TIAM2: variants seen among roughly 807,000 people sequenced by gnomAD.
TIAM2 encodes rho guanine nucleotide exchange factor TIAM2.
TIAM2 carries 80 observed loss-of-function variants against 152.9 expected under a neutral mutation model. The ratio of observed to expected loss-of-function variants is 0.52; its 90% CI spans 0.44 to 0.63. The LOEUF (loss-of-function observed/expected upper bound fraction) is 0.63, where lower values mean the gene tolerates loss of function less well. TIAM2 is among the 30% of genes least tolerant of loss of function. The pLI, the probability that TIAM2 is intolerant of heterozygous loss-of-function variation, is 0.00. For missense variants in TIAM2, 1,965 were observed against 2,120.1 expected, an observed-to-expected ratio of 0.93 and a Z score of 1.44; for synonymous variants, 804 against 838.0, an observed-to-expected ratio of 0.96 and a Z score of 0.70.
chr6:155,176,721 CT>C (rs1228598445), intron 9 of TIAM2, 94 bp from the exon 10 acceptor site: 25 of 1,384,912 alleles, frequency 1.8e-5, no homozygotes. Flanking sequence ...AGCGTTTACT[CT>C]AAATACTCCG....
rs142093815 is a variant in TIAM2, at chr6:155,079,678, G to A, written c.-208-10611G>A. Reference sequence around the variant, plus strand: ...ATTTCTAATAGAGGCCAGGCACAGTGGCTCACGCCTGTAATCCCAGCACTT... The same window carrying A: ...ATTTCTAATAGAGGCCAGGCACAGTAGCTCACGCCTGTAATCCCAGCACTT... On this transcript the variant is annotated intron_variant, in intron 1 of 26. Transcript: ENST00000682666. Among the ~76,000 whole-genome samples the A allele has an allele frequency of 3.4e-4, 52 of 152,348 alleles. No individual in the cohort carries two copies. The East Asian group carries it at 9.6e-3, about 28-fold the overall frequency.
At position 155,242,039 on chromosome 6, in the gene TIAM2, T is replaced by C. The variant is rs186654172; in HGVS notation, c.3348+1330T>C. Among the ~76,000 whole-genome samples the C allele has an allele frequency of 2.1e-3, 325 of 152,378 alleles. 2 individuals are homozygous for C. Among genetic ancestry groups the C allele is most frequent in the Non-Finnish European group, 3.9e-3 (264 of 68,034 alleles). On this transcript the variant is annotated intron_variant, in intron 16 of 26. Coordinates refer to ENST00000682666, the MANE Select transcript of TIAM2 (RefSeq NM_012454.4). Reference sequence around the variant, plus strand: ...TGGGAGGGTCATTTCAGTGACAGGCTGGCAGAGTACTCAGATGGTGTCATG... The same window carrying C: ...TGGGAGGGTCATTTCAGTGACAGGCCGGCAGAGTACTCAGATGGTGTCATG...
At chr6:155,253,260 A>C in intron 24 of TIAM2, 1 of 499,464 alleles carries the variant, frequency 2.0e-6, no homozygotes, top group South Asian at 3.7e-5. Context: ...TCTTTGCCAA[A>C]TGCCTTTCAT....
chr6:155,056,171 T>C lies in TIAM2; in HGVS notation c.-208-34118T>C, dbSNP rs1181166621. 9.4e-5 allele frequency among the ~76,000 whole-genome samples: 13 copies of C among 138,872 alleles called. No individual in the cohort carries two copies. The South Asian group carries it at 2.9e-3, about 31-fold the overall frequency. 91.1% of individuals were successfully genotyped at this position (138,872 alleles called of 152,430 possible). ...ATGGATCTCCTTATTGTTCTTCTTTTTTTTTTTTTTTTTTTTTTGAGACAG... is the reference window on the plus strand; with the variant it reads ...ATGGATCTCCTTATTGTTCTTCTTTCTTTTTTTTTTTTTTTTTTGAGACAG... On this transcript the variant is annotated intron_variant, in intron 1 of 26. Transcript: ENST00000682666.
chr6:155,192,022 A>C (rs908821811), intron 14 of TIAM2, among the ~76,000 whole-genome samples: 1 of 152,004 alleles, frequency 6.6e-6, no homozygotes, highest in Non-Finnish European at 1.5e-5. Flanking sequence ...TGGGGGATGG[A>C]TTTTCATGGA....
At chr6:155,187,393 C>G (rs1397692293) in intron 14 of TIAM2, among the ~76,000 whole-genome samples, 1 of 151,964 alleles carries the variant, frequency 6.6e-6, no homozygotes, top group African/African-American at 2.4e-5. Flanking sequence ...AAAGAAGCAT[C>G]CTTGCAGTAT....
At chr6:155,185,188 G>T (rs576803681) in intron 14 of TIAM2, among the ~76,000 whole-genome samples, 2 of 140,564 alleles carry the variant, frequency 1.4e-5, no homozygotes, top group Admixed American at 1.5e-4. Flanking sequence ...GTGCAGTGGC[G>T]CAATCTTGGC....
chr6:155,237,524 G>T (rs1454700305), intron 15 of TIAM2, among the ~76,000 whole-genome samples: 2 of 152,248 alleles, frequency 1.3e-5, no homozygotes, highest in Non-Finnish European at 2.9e-5. Context: ...CTTCTGCACT[G>T]CCCTAGTGGA....
At position 155,245,729 on chromosome 6, in the gene TIAM2, G is replaced by A. The variant is rs779632228; in HGVS notation, c.3650G>A (p.Arg1217Gln). 8.5e-6 allele frequency: 13 copies of A among 1,534,512 alleles called. No individual in the cohort carries two copies. Among genetic ancestry groups the A allele is most frequent in the East Asian group, 2.3e-5 (1 of 44,224 alleles). The change falls in exon 19 of 27, where the codon CGA (arginine) becomes CAA (glutamine). Residue 1217 changes from arginine (R) to glutamine (Q), a missense_variant and splice_region_variant. Arg to Gln is a conservative substitution (Grantham distance 43). Coordinates refer to ENST00000682666, the MANE Select transcript of TIAM2 (RefSeq NM_012454.4). ...ATCAAAGTACAGAAGGTTCTGGAGC[G>A]AGGTAAGTTGCTTATGCCTTTTATA... Reference protein sequence around the residue: ...NHIKVQKVLERAKTDKAFKAF... With the variant: ...NHIKVQKVLEQAKTDKAFKAF...
intron 1 of TIAM2, among the ~76,000 whole-genome samples, chr6:155,005,899 C>T (rs1778393185): frequency 6.6e-6 from 1 of 152,222 alleles, no homozygotes; most frequent in East Asian, 1.9e-4. Flanking sequence ...ATCTGCCTGC[C>T]TCGGCATCCC....
At chr6:155,094,288 T>C (rs1447183850) in intron 2 of TIAM2, among the ~76,000 whole-genome samples, 1 of 152,174 alleles carries the variant, frequency 6.6e-6, no homozygotes, top group Non-Finnish European at 1.5e-5. Flanking sequence ...CATCATCAAA[T>C]GTCAGTTGTC....
intron 15 of TIAM2, among the ~76,000 whole-genome samples, chr6:155,222,624 A>C (rs1194899186): frequency 6.6e-4 from 55 of 83,952 alleles, no homozygotes; most frequent in Non-Finnish European, 1.3e-3. Flanking sequence ...AAACAAAAAA[A>C]AAAAACACAA....
intron 1 of TIAM2, among the ~76,000 whole-genome samples, chr6:155,064,799 C>T (rs898075524): frequency 6.6e-6 from 1 of 152,070 alleles, no homozygotes; most frequent in African/African-American, 2.4e-5. Context: ...TGAGGACAAA[C>T]ATCTCATCTC....
chr6:155,016,536 A>AC lies in TIAM2; in HGVS notation c.-209+21044_-209+21045insC, dbSNP rs1562290526. Among the ~76,000 whole-genome samples, 144 of 112,918 alleles carry AC rather than the reference A, an allele frequency of 1.3e-3. No homozygotes were observed. In the South Asian group the frequency reaches 0.017, roughly 13 times the overall value. 74.1% of individuals were successfully genotyped at this position (112,918 alleles called of 152,430 possible). ...AAATGGTATTTACATTTAAATGGTA[A>AC]ATTTAAATTTAAATGGTATTTACAT... On this transcript the variant is annotated intron_variant, in intron 1 of 26. Transcript: ENST00000682666.
intron 2 of TIAM2, among the ~76,000 whole-genome samples, chr6:155,102,354 C>T (rs1302974603): frequency 1.3e-5 from 2 of 152,110 alleles, no homozygotes; most frequent in Non-Finnish European, 2.9e-5. Context: ...ATGTTATTTA[C>T]ATTTCTTATT....
At chr6:155,135,118 G>C (rs187252359) in intron 4 of TIAM2, among the ~76,000 whole-genome samples, 1 of 152,186 alleles carries the variant, frequency 6.6e-6, no homozygotes, top group African/African-American at 2.4e-5. Context: ...TTATGCATAA[G>C]CATCAGTGTA....
At position 155,183,097 on chromosome 6, in the gene TIAM2, C is replaced by G. The variant is rs889838377; in HGVS notation, c.2801-140C>G. 3.7e-6 allele frequency: 4 copies of G among 1,080,604 alleles called. No homozygotes were observed. In the East Asian group the frequency reaches 1.0e-4, roughly 27 times the overall value. 66.9% of individuals were successfully genotyped at this position (1,080,604 alleles called of 1,614,324 possible). ...TACAGGCACCTGCCACTGTGCCTGG[C>G]TGGCACTTTCTTTGAAGAAAGCAAC... is the stretch of plus-strand genomic sequence containing the variant. On this transcript the variant is annotated intron_variant, in intron 13 of 26. Coordinates refer to ENST00000682666, the MANE Select transcript of TIAM2 (RefSeq NM_012454.4).
intron 2 of TIAM2, among the ~76,000 whole-genome samples, chr6:155,110,197 C>T (rs1337640675): frequency 6.6e-6 from 1 of 152,018 alleles, no homozygotes; most frequent in Non-Finnish European, 1.5e-5. Flanking sequence ...AAGTGATCCG[C>T]CCGCCTTGAA....
At chr6:155,113,446 C>T (rs1246271988) in intron 2 of TIAM2, among the ~76,000 whole-genome samples, 1 of 152,086 alleles carries the variant, frequency 6.6e-6, no homozygotes, top group African/African-American at 2.4e-5. Context: ...TTCGGCCAGG[C>T]GTGGTGGCTC....
Sources: allele counts gnomAD v4.1 joint callset (sites outside exome capture counted in the v4.1 genomes callset), GRCh38; gene constraint gnomAD v4.1.1; transcripts MANE v1.5; gene names NCBI Gene and HGNC (gene_info 2026-07-23, HGNC 2026-07-21).